The following DOCK3 variants were observed in gnomAD, a reference collection of about 807,000 sequenced individuals.
The protein encoded by DOCK3 is dedicator of cytokinesis protein 3.
In DOCK3, 60 loss-of-function variants were observed where a neutral mutation model predicts 265.6. The ratio of observed to expected loss-of-function variants is 0.23; its 90% CI spans 0.18 to 0.28. The LOEUF (loss-of-function observed/expected upper bound fraction) is 0.28. Among genes scored for constraint, DOCK3 ranks in the 10% least tolerant of loss-of-function variants. DOCK3 has a pLI of 1.00. For synonymous variants in DOCK3, 881 were observed against 938.0 expected (o/e 0.94, Z 1.11); for missense variants, 1,981 against 2,594.3 (o/e 0.76, Z 5.14).
At chr3:51,272,443 A>AT (rs11371306) in intron 24 of DOCK3, among the ~76,000 whole-genome samples, 108,782 of 132,584 alleles carry the variant, frequency 0.82, 45,074 homozygotes, top group Middle Eastern at 0.9. Context: ...TGCCTGGCTA[A>AT]TTTTTTTTTT....
chr3:51,302,688 G>A (rs1321804711), intron 27 of DOCK3, among the ~76,000 whole-genome samples: 1 of 152,084 alleles, frequency 6.6e-6, no homozygotes, highest in Admixed American at 6.5e-5. Context: ...AGCTTCGTTT[G>A]GCCAGATATG....
chr3:51,215,787 G>A (rs1281968944), intron 14 of DOCK3, among the ~76,000 whole-genome samples: 5 of 152,158 alleles, frequency 3.3e-5, no homozygotes, highest in Admixed American at 3.3e-4. Context: ...AGAGTCTTTT[G>A]GATGGGAAAT....
rs1445645618 is a variant in DOCK3, at chr3:51,159,250, A to C, written c.835A>C (p.Ser279Arg). 2 of 1,613,612 alleles carry C rather than the reference A, an allele frequency of 1.2e-6. No individual in the cohort carries two copies. The highest frequency in any genetic ancestry group is 1.1e-5 in the South Asian group (1 of 91,050). The change falls in exon 11 of 53, where the codon AGC becomes CGC. Residue 279 changes from serine to arginine, a missense_variant. This residue lies in a region of DOCK3 where 456 missense variants were observed against 539.0 expected (regional missense o/e 0.85). Coordinates refer to ENST00000266037, the MANE Select transcript of DOCK3 (RefSeq NM_004947.5). Reference sequence around the variant, plus strand: ...TACTTATTTTTTCTCTTAGGATCTGAGCAGCAAAGATATGAAGAGAGATTT... The same window carrying C: ...TACTTATTTTTTCTCTTAGGATCTGCGCAGCAAAGATATGAAGAGAGATTT... ...ERMCALFTDL[S>R]SKDMKRDLYI...
Position 51,381,385 on chromosome 3 carries a change from G to A in DOCK3, c.5919G>A (p.Leu1973=). The change falls in exon 53 of 53, where the codon CTG becomes CTA. Residue 1973 remains leucine (L), a synonymous_variant. Coordinates refer to ENST00000266037, the MANE Select transcript of DOCK3 (RefSeq NM_004947.5). This position sits in a 1 kb window ranked among gnomAD's most constrained non-coding sequence, Gnocchi z 5.6. ...IPQDPMDPPA[L]PPKPYHPRLP... ...AGGACCCCATGGACCCGCCTGCGCT[G>A]CCGCCCAAGCCCTACCACCCCCGCC... 1.2e-6 allele frequency: 2 copies of A among 1,612,566 alleles called. No individual in the cohort carries two copies. The highest frequency in any genetic ancestry group is 1.1e-5 in the South Asian group (1 of 91,052).
intron 46 of DOCK3, 122 bp downstream of exon 46, chr3:51,358,199 G>A: frequency 1.1e-6 from 1 of 929,992 alleles, no homozygotes; most frequent in Non-Finnish European, 1.6e-6. Context: ...GGGTTGGGGA[G>A]AGAGGCTGTC....
intron 12 of DOCK3, among the ~76,000 whole-genome samples, chr3:51,166,051 C>CTT (rs754621873): frequency 3.5e-4 from 46 of 133,160 alleles, no homozygotes; most frequent in Middle Eastern, 3.9e-3. Flanking sequence ...TATATATATT[C>CTT]TTTTTTTTTT....
At chr3:51,335,416 C>T (rs961720361) in intron 35 of DOCK3, among the ~76,000 whole-genome samples, 1 of 152,200 alleles carries the variant, frequency 6.6e-6, no homozygotes, top group Non-Finnish European at 1.5e-5. Flanking sequence ...CAAGAGTGGT[C>T]TTCCAACTCA....
chr3:50,836,656 C>T lies in DOCK3; in HGVS notation c.122-5019C>T, dbSNP rs1052906436. 3.9e-5 allele frequency among the ~76,000 whole-genome samples: 6 copies of T among 152,262 alleles called. No individual in the cohort carries two copies. The South Asian group carries it at 1.2e-3, about 32-fold the overall frequency. ...CTGCCACGAAGGTCTCTGACATGCC[C>T]CAGAGACACTTTCCTCATTGTCTTG... On this transcript the variant is annotated intron_variant, in intron 2 of 52. Transcript: ENST00000266037.
intron 32 of DOCK3, among the ~76,000 whole-genome samples, chr3:51,321,160 C>A (rs1262592948): frequency 6.6e-6 from 1 of 152,186 alleles, no homozygotes; most frequent in Non-Finnish European, 1.5e-5. Flanking sequence ...GTTCTGCAGC[C>A]TCCACTGGTG....
intron 3 of DOCK3, chr3:50,877,325 G>C (rs1414070392): frequency 2.6e-6 from 1 of 383,740 alleles, no homozygotes; most frequent in African/African-American, 2.1e-5. Flanking sequence ...AATTTTCTTG[G>C]CCCTCAGTTG....
At chr3:51,065,169 T>C (rs2081545733) in intron 6 of DOCK3, among the ~76,000 whole-genome samples, 1 of 152,168 alleles carries the variant, frequency 6.6e-6, no homozygotes, top group Non-Finnish European at 1.5e-5. Flanking sequence ...TCAGTGAATA[T>C]AATTGATATA....
intron 6 of DOCK3, among the ~76,000 whole-genome samples, chr3:51,071,643 T>C (rs988805638): frequency 1.4e-4 from 21 of 152,272 alleles, no homozygotes; most frequent in African/African-American, 4.1e-4. Flanking sequence ...GATAGTAGAT[T>C]TTAGACAGTG....
At chr3:50,820,776 A>G (rs1458950653) in intron 2 of DOCK3, among the ~76,000 whole-genome samples, 1 of 150,906 alleles carries the variant, frequency 6.6e-6, no homozygotes, top group Admixed American at 6.6e-5. Context: ...TTACATTCCC[A>G]TCAAAAAGTG....
At chr3:50,852,364 T>C (rs1296017122) in intron 3 of DOCK3, among the ~76,000 whole-genome samples, 1 of 152,224 alleles carries the variant, frequency 6.6e-6, no homozygotes, top group Non-Finnish European at 1.5e-5. Context: ...ATATGTAGCC[T>C]GCGTTTTTGT....
intron 5 of DOCK3, among the ~76,000 whole-genome samples, chr3:51,044,633 G>A (rs749544239): frequency 1.1e-4 from 16 of 150,066 alleles, no homozygotes; most frequent in East Asian, 5.8e-4. Flanking sequence ...ATAGAAGGCC[G>A]TTTTGTCTTT....
chr3:50,906,062 C>T (rs557479016), intron 4 of DOCK3, among the ~76,000 whole-genome samples: 50 of 152,006 alleles, frequency 3.3e-4, no homozygotes, highest in Non-Finnish European at 6.2e-4. Context: ...TGCTGGATTA[C>T]GTTTATTGAT....
intron 24 of DOCK3, among the ~76,000 whole-genome samples, chr3:51,273,532 A>G (rs545722395): frequency 3.9e-5 from 6 of 152,324 alleles, no homozygotes; most frequent in African/African-American, 1.4e-4. Flanking sequence ...GTAAGCAGCT[A>G]TTGGTTGTTA....
intron 9 of DOCK3, among the ~76,000 whole-genome samples, chr3:51,137,844 T>C (rs1336315004): frequency 1.3e-5 from 2 of 152,236 alleles, no homozygotes; most frequent in Non-Finnish European, 2.9e-5. Context: ...GATCAGATAG[T>C]AACTTAGAAA....
At chr3:51,121,666 G>T (rs2084024292) in intron 9 of DOCK3, among the ~76,000 whole-genome samples, 1 of 152,104 alleles carries the variant, frequency 6.6e-6, no homozygotes, top group Non-Finnish European at 1.5e-5. Flanking sequence ...TTTCTAAGAG[G>T]CGTAAGGAGA....
Sources: allele counts gnomAD v4.1 joint callset (sites outside exome capture counted in the v4.1 genomes callset), GRCh38; gene constraint gnomAD v4.1.1; regional missense constraint gnomAD v4.1.1; non-coding constraint Gnocchi (gnomAD v3.1); transcripts MANE v1.5; gene names NCBI Gene and HGNC (gene_info 2026-07-23, HGNC 2026-07-21).